Variants in VPS13B observed in about 807,000 individuals in gnomAD.
VPS13B encodes the protein intermembrane lipid transfer protein VPS13B.
VPS13B carries 285 observed loss-of-function variants against 426.4 expected under a neutral mutation model. The ratio of observed to expected loss-of-function variants is 0.67; its 90% CI spans 0.61 to 0.74. VPS13B has a LOEUF of 0.74. Ranked by LOEUF, VPS13B falls within the 30% of genes least tolerant of loss-of-function variation. The probability of loss-of-function intolerance (pLI) is 0.00; values close to 1 mark genes in which losing one functional copy is unlikely to be tolerated. For synonymous variants in VPS13B, 1,676 were observed against 1,676.4 expected, an observed-to-expected ratio of 1.00 and a Z score of 0.01; for missense variants, 4,537 against 4,782.6, an observed-to-expected ratio of 0.95 and a Z score of 1.51.
intron 21 of VPS13B, among the ~76,000 whole-genome samples, chr8:99,411,991 C>T (rs1326483521): frequency 1.3e-5 from 2 of 152,178 alleles, no homozygotes; most frequent in African/African-American, 4.8e-5. Context: ...GTGATGCCTC[C>T]AGCTTTGTTC....
rs111442797 is a variant in VPS13B at position 99,746,620 on chromosome 8, G to A, written c.7051-20154G>A. On this transcript the variant is annotated intron_variant, in intron 39 of 61. Coordinates refer to ENST00000357162, the MANE Select transcript of VPS13B (RefSeq NM_152564.5). ...GTAGTTTAATAGGAAAGGAAACTGC[G>A]AATAGAGAGATTAATCTGTTCAAGA... Among the ~76,000 whole-genome samples, 79 of 152,270 alleles carry A rather than the reference G, an allele frequency of 5.2e-4. 1 individual carries two copies. In the South Asian group the frequency reaches 7.2e-3, roughly 14 times the overall value.
intron 24 of VPS13B, among the ~76,000 whole-genome samples, chr8:99,478,455 T>TG (rs1563752141): frequency 2.3e-4 from 31 of 134,156 alleles, no homozygotes; most frequent in African/African-American, 8.6e-4. Flanking sequence ...TTGTTTTTTT[T>TG]TTTTTTTTTT....
chr8:99,477,175 A>G (rs970861748), intron 24 of VPS13B, among the ~76,000 whole-genome samples: 2 of 152,204 alleles, frequency 1.3e-5, no homozygotes, highest in Non-Finnish European at 2.9e-5. Flanking sequence ...GGTCAAAGAT[A>G]CCTATATATT....
intron 19 of VPS13B, among the ~76,000 whole-genome samples, chr8:99,297,605 A>G (rs962219742): frequency 6.6e-6 from 1 of 152,204 alleles, no homozygotes; most frequent in Non-Finnish European, 1.5e-5. Flanking sequence ...TAAATGCATA[A>G]TGCAAAAATT....
intron 29 of VPS13B, among the ~76,000 whole-genome samples, chr8:99,513,873 C>T (rs1821919490): frequency 6.6e-6 from 1 of 152,132 alleles, no homozygotes; most frequent in South Asian, 2.1e-4. Flanking sequence ...AATGTATACA[C>T]TGGTAAATCT....
intron 21 of VPS13B, among the ~76,000 whole-genome samples, chr8:99,430,937 T>G (rs1317504815): frequency 6.6e-6 from 1 of 152,052 alleles, no homozygotes; most frequent in Non-Finnish European, 1.5e-5. Flanking sequence ...AGGCTTGTCT[T>G]GAACTCCTGA....
intron 24 of VPS13B, among the ~76,000 whole-genome samples, chr8:99,469,019 G>A (rs1194628863): frequency 6.6e-6 from 1 of 151,804 alleles, no homozygotes; most frequent in Non-Finnish European, 1.5e-5. Flanking sequence ...GAAAAGATTA[G>A]ACCTAATAAT....
intron 17 of VPS13B, among the ~76,000 whole-genome samples, chr8:99,270,843 A>G (rs1225530694): frequency 6.6e-6 from 1 of 152,186 alleles, no homozygotes; most frequent in Admixed American, 6.5e-5. Context: ...ATCATCTAAC[A>G]TAGTGATTGG....
chr8:99,465,613 A>G lies in VPS13B; in HGVS notation c.3446-1801A>G, dbSNP rs529239149. On this transcript the variant is annotated intron_variant, in intron 23 of 61. Transcript: ENST00000357162. ...GATACAATAGGATTTGAAAAAATATATATAGCTCACTACCAGCTTTAAAAT... is the reference window on the plus strand; with the variant it reads ...GATACAATAGGATTTGAAAAAATATGTATAGCTCACTACCAGCTTTAAAAT... Among the ~76,000 whole-genome samples the G allele has an allele frequency of 6.6e-5, 10 of 152,250 alleles. No homozygotes were observed. The East Asian group carries it at 1.2e-3, about 18-fold the overall frequency.
chr8:99,588,353 A>G (rs1477438771), intron 33 of VPS13B, among the ~76,000 whole-genome samples: 1 of 151,752 alleles, frequency 6.6e-6, no homozygotes, highest in African/African-American at 2.4e-5. Flanking sequence ...AATTCTGTGA[A>G]GAAAGTCATT....
intron 19 of VPS13B, among the ~76,000 whole-genome samples, chr8:99,286,048 A>T (rs942454099): frequency 3.3e-5 from 5 of 151,896 alleles, no homozygotes; most frequent in Admixed American, 6.6e-5. Flanking sequence ...CTCCCTTCCC[A>T]ATTAATTACT....
intron 19 of VPS13B, among the ~76,000 whole-genome samples, chr8:99,372,927 G>C (rs982588712): frequency 6.6e-6 from 1 of 152,186 alleles, no homozygotes; most frequent in Admixed American, 6.6e-5. Flanking sequence ...ATGCCCATCA[G>C]TGATAGACTG....
intron 30 of VPS13B, among the ~76,000 whole-genome samples, chr8:99,533,403 T>A (rs183190033): frequency 2.0e-5 from 3 of 152,308 alleles, no homozygotes; most frequent in Admixed American, 6.5e-5. Context: ...TTTAAAAAAA[T>A]TTTTAAACTC....
At chr8:99,701,822 A>G (rs1832296039) in intron 36 of VPS13B, among the ~76,000 whole-genome samples, 1 of 152,100 alleles carries the variant, frequency 6.6e-6, no homozygotes. Flanking sequence ...TTTTTTCTTT[A>G]TGCATACTCA....
At chr8:99,117,271 A>G (rs1847706257) in intron 7 of VPS13B, among the ~76,000 whole-genome samples, 1 of 152,204 alleles carries the variant, frequency 6.6e-6, no homozygotes, top group African/African-American at 2.4e-5. Context: ...CTAGATGACT[A>G]TAATAAAAAA....
chr8:99,066,303 T>C (rs539364960), intron 3 of VPS13B, among the ~76,000 whole-genome samples: 12 of 152,196 alleles, frequency 7.9e-5, no homozygotes, highest in Non-Finnish European at 1.3e-4. Context: ...CCAAAACAGA[T>C]ATATAGACCA....
intron 19 of VPS13B, among the ~76,000 whole-genome samples, chr8:99,308,462 G>A (rs535015331): frequency 9.8e-4 from 149 of 152,180 alleles, no homozygotes; most frequent in African/African-American, 3.3e-3. Context: ...AGTTTGCTGC[G>A]AATGATGGTT....
chr8:99,541,520 C>T (rs1278156164), intron 30 of VPS13B, among the ~76,000 whole-genome samples: 1 of 152,076 alleles, frequency 6.6e-6, no homozygotes, highest in Non-Finnish European at 1.5e-5. Flanking sequence ...CCGGACAGGC[C>T]CCGGTGTGTG....
intron 19 of VPS13B, among the ~76,000 whole-genome samples, chr8:99,333,572 G>T (rs1810659427): frequency 6.6e-6 from 1 of 151,910 alleles, no homozygotes; most frequent in Non-Finnish European, 1.5e-5. Flanking sequence ...GTAGATTCAT[G>T]TACCTACCAC....
Sources: allele counts gnomAD v4.1 joint callset (sites outside exome capture counted in the v4.1 genomes callset), GRCh38; gene constraint gnomAD v4.1.1; transcripts MANE v1.5; gene names NCBI Gene and HGNC (gene_info 2026-07-23, HGNC 2026-07-21).